The following EFHD2 variants were observed in gnomAD, a reference collection of about 807,000 sequenced individuals.
EFHD2 encodes EF-hand domain family member D2.
Under a neutral mutation model 20.3 loss-of-function variants are expected in EFHD2, and 12 were observed. The ratio of observed to expected loss-of-function variants is 0.59; its 90% CI spans 0.38 to 0.96. The LOEUF is 0.96. Among genes scored for constraint, EFHD2 ranks in the 40% least tolerant of loss-of-function variants. The pLI, the probability that EFHD2 is intolerant of heterozygous loss-of-function variation, is 0.00. For missense variants in EFHD2, 250 were observed against 334.3 expected, an observed-to-expected ratio of 0.75 and a Z score of 1.97; for synonymous variants, 131 against 143.9, an observed-to-expected ratio of 0.91 and a Z score of 0.64.
In EFHD2 at chr1:15,426,038, C is replaced by T; in HGVS notation, c.456+20C>T. On this transcript the variant is annotated intron_variant, in intron 2 of 3. Transcript: ENST00000375980. The surrounding 1 kb of genome is among the most constrained non-coding windows in gnomAD (Gnocchi z 4.6). ...CGGGAGGTAAGCCCGGCCCCCAGCC[C>T]CACTCCCCTACCAGGGGCTTCACCT... 11 of 1,553,896 alleles carry T rather than the reference C, an allele frequency of 7.1e-6. No homozygotes were observed. Among genetic ancestry groups the T allele is most frequent in the Non-Finnish European group, 9.5e-6 (11 of 1,153,952 alleles).
At chr1:15,423,695 A>G (rs1341526742) in intron 1 of EFHD2, among the ~76,000 whole-genome samples, 1 of 152,192 alleles carries the variant, frequency 6.6e-6, no homozygotes, top group Admixed American at 6.5e-5. Flanking sequence ...TAGGTGTTCA[A>G]AGTACACCTA....
chr1:15,412,999 G>A (rs1438658269), intron 1 of EFHD2, among the ~76,000 whole-genome samples: 4 of 152,098 alleles, frequency 2.6e-5, no homozygotes, highest in African/African-American at 7.2e-5. Flanking sequence ...CCGGGTGAGG[G>A]TGGAAAGCTG....
intron 3 of EFHD2, chr1:15,427,872 T>G (rs545315242): frequency 9.2e-5 from 43 of 468,998 alleles, no homozygotes; most frequent in African/African-American, 7.4e-4. Context: ...TTCGGAGCAT[T>G]GGTGGAACTT....
Position 15,426,939 on chromosome 1 carries a change from T to G in EFHD2, c.457-211T>G, listed in dbSNP as rs1370603677. 2.0e-5 allele frequency among the ~76,000 whole-genome samples: 3 copies of G among 152,114 alleles called. No homozygotes were observed. The highest frequency in any genetic ancestry group is 6.6e-5 in the Admixed American group (1 of 15,266). ...GGCTGCAGTAGGCCAGCATCCTGGG[T>G]GGCAGATGAGTCATATCTCCTCCCA... On this transcript the variant is annotated intron_variant, in intron 2 of 3. Transcript: ENST00000375980. The surrounding 1 kb of genome is among the most constrained non-coding windows in gnomAD (Gnocchi z 4.6).
intron 1 of EFHD2, among the ~76,000 whole-genome samples, chr1:15,417,561 G>C (rs7529567): frequency 1.3e-4 from 19 of 150,376 alleles, no homozygotes; most frequent in Non-Finnish European, 2.2e-4. Flanking sequence ...CTATCTCTCC[G>C]TCTCTCTCTC....
chr1:15,419,356 G>T (rs1158331641), intron 1 of EFHD2, among the ~76,000 whole-genome samples: 1 of 152,242 alleles, frequency 6.6e-6, no homozygotes, highest in Non-Finnish European at 1.5e-5. Context: ...AGGCCCCGCA[G>T]CCTCCCTCCG....
At chr1:15,421,213 G>A (rs1707784863) in intron 1 of EFHD2, among the ~76,000 whole-genome samples, 1 of 152,302 alleles carries the variant, frequency 6.6e-6, no homozygotes, top group Non-Finnish European at 1.5e-5. Flanking sequence ...ACCCAGGTCA[G>A]TCTCAGCGGA....
At position 15,419,923 on chromosome 1, in the gene EFHD2, T is replaced by C. The variant is rs546511459; in HGVS notation, c.309-5948T>C. On this transcript the variant is annotated intron_variant, in intron 1 of 3. Transcript: ENST00000375980. Reference sequence around the variant, plus strand: ...TCGCTCCCTGAGGCTCCTCTCTCCCTGTTCAAGGGCTCTGTCCAGCGGTCT... The same window carrying C: ...TCGCTCCCTGAGGCTCCTCTCTCCCCGTTCAAGGGCTCTGTCCAGCGGTCT... Among the ~76,000 whole-genome samples the C allele has an allele frequency of 9.8e-5, 15 of 152,360 alleles. No homozygotes were observed. In the East Asian group the frequency reaches 2.7e-3, roughly 27 times the overall value.
rs1003495184 is a variant in EFHD2, at chr1:15,429,098, C to A, written c.*374C>A. 6 of 233,168 alleles carry A rather than the reference C, an allele frequency of 2.6e-5. No individual in the cohort carries two copies. Among genetic ancestry groups the A allele is most frequent in the East Asian group, 2.5e-4 (2 of 8,062 alleles). 14.4% of individuals were successfully genotyped at this position (233,168 alleles called of 1,614,324 possible). A position where few individuals can be genotyped will look rare whatever the true frequency, so the allele number is the denominator to read the frequency against. Reference sequence around the variant, plus strand: ...CTGCCCTCCACACATCCCTGTCCCCCCAACCCGGGAACCCCTGCCCTCCTC... The same window carrying A: ...CTGCCCTCCACACATCCCTGTCCCCACAACCCGGGAACCCCTGCCCTCCTC... On this transcript the variant is annotated 3_prime_UTR_variant, in exon 4 of 4. Coordinates refer to ENST00000375980, the MANE Select transcript of EFHD2 (RefSeq NM_024329.6).
In EFHD2 at chr1:15,426,165, T is replaced by A; in HGVS notation, c.456+147T>A. On this transcript the variant is annotated intron_variant, in intron 2 of 3. Transcript: ENST00000375980. The surrounding 1 kb of genome is among the most constrained non-coding windows in gnomAD (Gnocchi z 4.6). ...TGTGAGCAGCTGCTGCTTGGCTGAG[T>A]GAGGCTTCAGAGGGCCTGTTACAGC... 1 of 895,540 alleles carries A rather than the reference T, an allele frequency of 1.1e-6. No homozygotes were observed. The highest frequency in any genetic ancestry group is 1.6e-6 in the Non-Finnish European group (1 of 633,124). The allele number at this position is 895,540 out of a possible 1,614,324, so 55.5% of individuals were successfully genotyped here.
chr1:15,422,450 C>T (rs566920509), intron 1 of EFHD2, among the ~76,000 whole-genome samples: 105 of 152,198 alleles, frequency 6.9e-4, no homozygotes, highest in African/African-American at 2.4e-3. Flanking sequence ...CCCTGGCCTC[C>T]ACCCACCAGA....
At chr1:15,415,896 G>A (rs1707660268) in intron 1 of EFHD2, among the ~76,000 whole-genome samples, 3 of 152,158 alleles carry the variant, frequency 2.0e-5, no homozygotes. Flanking sequence ...ATTAGAACCA[G>A]ATCCTCCTGC....
chr1:15,417,866 C>T (rs1707704297), intron 1 of EFHD2, among the ~76,000 whole-genome samples: 1 of 152,150 alleles, frequency 6.6e-6, no homozygotes, highest in Non-Finnish European at 1.5e-5. Flanking sequence ...AATTGGGGTC[C>T]CTGTGCTCCC....
intron 1 of EFHD2, among the ~76,000 whole-genome samples, chr1:15,415,628 A>G (rs1341864364): frequency 6.6e-6 from 1 of 151,778 alleles, no homozygotes; most frequent in Non-Finnish European, 1.5e-5. Flanking sequence ...AGCTGGGACT[A>G]CAAGCACACA....
chr1:15,418,932 T>C (rs1707739899), intron 1 of EFHD2, among the ~76,000 whole-genome samples: 2 of 152,270 alleles, frequency 1.3e-5, no homozygotes, highest in African/African-American at 4.8e-5. Flanking sequence ...TTCATGTTCA[T>C]GCCGCTTCAT....
intron 1 of EFHD2, among the ~76,000 whole-genome samples, chr1:15,419,837 C>T (rs1288989633): frequency 6.6e-6 from 1 of 152,206 alleles, no homozygotes; most frequent in Non-Finnish European, 1.5e-5. Flanking sequence ...GTCCCACACA[C>T]ACATTGGCAC....
At chr1:15,412,701 G>C (rs1459358124) in intron 1 of EFHD2, among the ~76,000 whole-genome samples, 1 of 152,226 alleles carries the variant, frequency 6.6e-6, no homozygotes, top group Non-Finnish European at 1.5e-5. Context: ...GGAGAACCCA[G>C]ACACTTCAAA....
chr1:15,424,828 A>T (rs1180548391), intron 1 of EFHD2, among the ~76,000 whole-genome samples: 3 of 152,198 alleles, frequency 2.0e-5, no homozygotes, highest in Non-Finnish European at 4.4e-5. Flanking sequence ...CCCCCAGTAC[A>T]GAGGGTGCTG....
chr1:15,428,618 G>T lies in EFHD2; in HGVS notation c.617G>T (p.Arg206Leu), dbSNP rs753796723. The T allele has an allele frequency of 1.9e-6, 3 of 1,611,152 alleles. No individual in the cohort carries two copies. Among genetic ancestry groups the T allele is most frequent in the Non-Finnish European group, 2.5e-6 (3 of 1,179,102 alleles). ...GTCCAGGCCATCAACGTGTCCAGCC[G>T]CTTCGAGGAGGAGATCAAGGCAGAG... ...AKVQAINVSS[R>L]FEEEIKAEQE... Residue 206 changes from arginine (R) to leucine (L), a missense_variant, in exon 4 of 4, where the codon CGC (arginine) becomes CTC (leucine). Coordinates refer to ENST00000375980, the MANE Select transcript of EFHD2 (RefSeq NM_024329.6).
Sources: allele counts gnomAD v4.1 joint callset (sites outside exome capture counted in the v4.1 genomes callset), GRCh38; gene constraint gnomAD v4.1.1; non-coding constraint Gnocchi (gnomAD v3.1); transcripts MANE v1.5; gene names NCBI Gene and HGNC (gene_info 2026-07-23, HGNC 2026-07-21).